FIP1L1: variants seen among roughly 807,000 people sequenced by gnomAD.
The protein encoded by FIP1L1 is factor interacting with PAPOLA and CPSF1, also known as pre-mRNA 3'-end-processing factor FIP1.
Under a neutral mutation model 84.6 loss-of-function variants are expected in FIP1L1, and 21 were observed. That is an observed-to-expected ratio of 0.25 (90% CI 0.18 to 0.36). The LOEUF (loss-of-function observed/expected upper bound fraction) is 0.36. Ranked by LOEUF, FIP1L1 falls within the 10% of genes least tolerant of loss-of-function variation. The pLI is 1.00. For missense variants in FIP1L1, 526 were observed against 751.1 expected (o/e 0.70, Z 3.50); for synonymous variants, 263 against 242.3 (o/e 1.09, Z -0.80).
At chr4:53,395,919 AT>A (rs11400535) in intron 9 of FIP1L1, among the ~76,000 whole-genome samples, 12 of 147,858 alleles carry the variant, frequency 8.1e-5, no homozygotes, top group Admixed American at 1.3e-4. Flanking sequence ...GTATTTTATG[AT>A]TTTTTTTTTT....
chr4:53,447,474 A>T (rs546840224), intron 15 of FIP1L1, among the ~76,000 whole-genome samples: 1 of 152,176 alleles, frequency 6.6e-6, no homozygotes, highest in East Asian at 1.9e-4. Context: ...ACTTCTTACA[A>T]TGTTTACATT....
chr4:53,411,961 A>T (rs1012812001), intron 10 of FIP1L1, among the ~76,000 whole-genome samples: 1 of 152,058 alleles, frequency 6.6e-6, no homozygotes, highest in African/African-American at 2.4e-5. Context: ...GTAAACCAGG[A>T]TATAGACTGA....
intron 15 of FIP1L1, among the ~76,000 whole-genome samples, chr4:53,450,320 T>C (rs1161705992): frequency 2.0e-5 from 3 of 152,216 alleles, no homozygotes; most frequent in African/African-American, 7.2e-5. Context: ...TAATTTGAAA[T>C]GGTTAGGTAT....
chr4:53,443,297 C>T (rs187246468), intron 14 of FIP1L1, among the ~76,000 whole-genome samples: 4 of 152,176 alleles, frequency 2.6e-5, no homozygotes, highest in Admixed American at 2.0e-4. Context: ...AGGCAAGGTT[C>T]GTAAGCCCTT....
At chr4:53,440,484 G>A (rs1466002132) in intron 13 of FIP1L1, 10 of 697,616 alleles carry the variant, frequency 1.4e-5, no homozygotes, top group South Asian at 3.7e-5. Context: ...ATAATGAGGC[G>A]AGGGGTTTTA....
At chr4:53,430,254 T>G (rs1163184347) in intron 13 of FIP1L1, among the ~76,000 whole-genome samples, 1 of 151,860 alleles carries the variant, frequency 6.6e-6, no homozygotes, top group Admixed American at 6.6e-5. Flanking sequence ...TATTCGAAAC[T>G]CCGTAGAATA....
intron 14 of FIP1L1, 120 bp downstream of exon 14, chr4:53,442,827 A>G: frequency 1.7e-6 from 1 of 598,950 alleles, no homozygotes; most frequent in Non-Finnish European, 2.9e-6. Context: ...TTTAATTTAT[A>G]AATCTAGATC....
intron 12 of FIP1L1, 24 bp from the exon 13 acceptor site, chr4:53,428,003 T>G: frequency 6.4e-7 from 1 of 1,563,268 alleles, no homozygotes; most frequent in Non-Finnish European, 8.7e-7. Context: ...TGCATCTGTT[T>G]AATTAACTGT....
intron 13 of FIP1L1, among the ~76,000 whole-genome samples, chr4:53,438,374 A>C (rs1438928673): frequency 2.6e-5 from 4 of 152,232 alleles, no homozygotes; most frequent in African/African-American, 7.2e-5. Flanking sequence ...TTTTTAAGTG[A>C]GAATGATGTT....
intron 9 of FIP1L1, among the ~76,000 whole-genome samples, chr4:53,399,241 G>T (rs1373160385): frequency 6.6e-6 from 1 of 152,204 alleles, no homozygotes; most frequent in African/African-American, 2.4e-5. Context: ...GGGAGAAATT[G>T]TATGGATGTA....
At chr4:53,427,950 T>G (rs1765017326) in intron 12 of FIP1L1, 77 bp from the exon 13 acceptor site, 1 of 1,213,622 alleles carries the variant, frequency 8.2e-7, no homozygotes, top group African/African-American at 1.5e-5. Context: ...TTTCTTAGAT[T>G]AAATGAAATT....
intron 11 of FIP1L1, among the ~76,000 whole-genome samples, chr4:53,420,200 A>AAAAAAAAAAC (rs1273897806): frequency 6.8e-5 from 9 of 133,072 alleles, no homozygotes; most frequent in African/African-American, 2.9e-4. Context: ...TCCGTCTCAA[A>AAAAAAAAAAC]AAAAAAAAAA....
intron 5 of FIP1L1, among the ~76,000 whole-genome samples, chr4:53,384,692 G>C (rs1340464656): frequency 6.6e-6 from 1 of 152,118 alleles, no homozygotes; most frequent in Non-Finnish European, 1.5e-5. Context: ...TTGACTCATT[G>C]AGCGCATAAA....
Position 53,447,814 on chromosome 4 carries a change from C to G in FIP1L1, c.1285+3711C>G, listed in dbSNP as rs188670025. The stretch of plus-strand genomic sequence containing the variant: ...TTTCATGTACGGCTTATATCTATAG[C>G]CTGAAGTTAATTTTACTCTATTTTA... On this transcript the variant is annotated intron_variant, in intron 15 of 17. Transcript: ENST00000337488. Among the ~76,000 whole-genome samples, 693 of 152,032 alleles carry G rather than the reference C, an allele frequency of 4.6e-3. 4 individuals are homozygous for G. Among genetic ancestry groups the G allele is most frequent in the Non-Finnish European group, 5.6e-3 (379 of 67,914 alleles).
At chr4:53,435,921 T>C (rs1444210174) in intron 13 of FIP1L1, among the ~76,000 whole-genome samples, 1 of 152,248 alleles carries the variant, frequency 6.6e-6, no homozygotes, top group African/African-American at 2.4e-5. Context: ...AAGATTTTTG[T>C]AAACCTTGTC....
At chr4:53,407,282 A>G (rs995200698) in intron 10 of FIP1L1, among the ~76,000 whole-genome samples, 6 of 152,202 alleles carry the variant, frequency 3.9e-5, no homozygotes, top group African/African-American at 1.4e-4. Context: ...GTAGTCATTC[A>G]GGAGCAGGTT....
intron 15 of FIP1L1, among the ~76,000 whole-genome samples, chr4:53,447,416 G>C (rs1313746573): frequency 6.6e-6 from 1 of 152,000 alleles, no homozygotes; most frequent in African/African-American, 2.4e-5. Context: ...GTCTTTCTAA[G>C]CCTTCACTGA....
chr4:53,399,608 C>T, intron 9 of FIP1L1, 122 bp from the exon 10 acceptor site: 1 of 644,156 alleles, frequency 1.6e-6, no homozygotes, highest in Non-Finnish European at 2.7e-6. Context: ...AAATATTCAG[C>T]AAAGGAACAT....
intron 10 of FIP1L1, among the ~76,000 whole-genome samples, chr4:53,404,564 A>C (rs28804401): frequency 0.13 from 19,309 of 150,262 alleles, 2,410 homozygotes; most frequent in African/African-American, 0.31. Flanking sequence ...ATTTCTAGTT[A>C]TAGATCCCTG....
Sources: allele counts gnomAD v4.1 joint callset (sites outside exome capture counted in the v4.1 genomes callset), GRCh38; gene constraint gnomAD v4.1.1; transcripts MANE v1.5; gene names NCBI Gene and HGNC (gene_info 2026-07-23, HGNC 2026-07-21).